The following BCAR3 variants were observed in gnomAD, a reference collection of about 807,000 sequenced individuals.
The protein encoded by BCAR3 is breast cancer anti-estrogen resistance protein 3.
BCAR3 carries 37 observed loss-of-function variants against 80.1 expected under a neutral mutation model. The ratio of observed to expected loss-of-function variants is 0.46; its 90% CI spans 0.36 to 0.61. The LOEUF (loss-of-function observed/expected upper bound fraction) is 0.61, where lower values mean the gene tolerates loss of function less well. Among genes scored for constraint, BCAR3 ranks in the 20% least tolerant of loss-of-function variants. BCAR3 has a pLI of 0.00. For synonymous variants in BCAR3, 389 were observed against 418.9 expected, an observed-to-expected ratio of 0.93 and a Z score of 0.87; for missense variants, 978 against 1,068.2, an observed-to-expected ratio of 0.92 and a Z score of 1.18.
At chr1:93,700,943 A>G (rs79260856) in intron 3 of BCAR3, among the ~76,000 whole-genome samples, 4,088 of 152,308 alleles carry the variant, frequency 0.027, 175 homozygotes, top group African/African-American at 0.092. Flanking sequence ...GCATGTGGGC[A>G]CCCTCAGCGG....
chr1:93,603,287 C>T (rs190382790), intron 3 of BCAR3, among the ~76,000 whole-genome samples: 74 of 152,352 alleles, frequency 4.9e-4, no homozygotes, highest in Admixed American at 7.2e-4. Flanking sequence ...CGGTCCAGGA[C>T]GTTGCCAGAA....
chr1:93,603,775 G>A (rs1674695842), intron 3 of BCAR3, among the ~76,000 whole-genome samples: 2 of 152,242 alleles, frequency 1.3e-5, no homozygotes, highest in Admixed American at 1.3e-4. Flanking sequence ...GGCAGCCGCA[G>A]CTGTGATGGA....
rs571391348 is a variant in BCAR3, at chr1:93,722,462, G to A, written c.-62-16320C>T. 1.2e-4 allele frequency among the ~76,000 whole-genome samples: 19 copies of A among 152,278 alleles called. No individual in the cohort carries two copies. The South Asian group carries it at 3.9e-3, about 32-fold the overall frequency. On this transcript the variant is annotated intron_variant, in intron 2 of 13. Coordinates refer to the BCAR3 transcript ENST00000370244. Reference sequence around the variant, plus strand: ...CATGGGGTGCCCTGGGGATACTAAGGCCTCCATCCTGCGCTGGGTCACCTC... The same window carrying A: ...CATGGGGTGCCCTGGGGATACTAAGACCTCCATCCTGCGCTGGGTCACCTC...
intron 2 of BCAR3, among the ~76,000 whole-genome samples, chr1:93,728,431 C>T (rs530290242): frequency 1.3e-5 from 2 of 152,210 alleles, no homozygotes; most frequent in Non-Finnish European, 2.9e-5. Context: ...CTTGTGTTAA[C>T]CAGTTCAATT....
rs935543039 is a variant in BCAR3, at chr1:93,659,681, G to T, written c.317+14933C>A. ...TTTAGATGACAATCACGGTTCTAAG[G>T]TCTTGCCCAACTCACCAGCCTAATC... On this transcript the variant is annotated intron_variant, in intron 2 of 11. Transcript: ENST00000260502. 2.6e-5 allele frequency among the ~76,000 whole-genome samples: 4 copies of T among 152,062 alleles called. No homozygotes were observed. In the East Asian group the frequency reaches 5.8e-4, roughly 22 times the overall value.
At chr1:93,619,100 A>ATTTTTTTT (rs34715455) in intron 3 of BCAR3, among the ~76,000 whole-genome samples, 8 of 126,718 alleles carry the variant, frequency 6.3e-5, no homozygotes, top group Non-Finnish European at 6.7e-5. Context: ...CACCACGCCA[A>ATTTTTTTT]TTTTTTTTTT....
intron 3 of BCAR3, among the ~76,000 whole-genome samples, chr1:93,622,375 G>A (rs1425035630): frequency 1.3e-5 from 2 of 152,204 alleles, no homozygotes; most frequent in East Asian, 1.9e-4. Context: ...AGGGAAGCAC[G>A]GAGAACACCT....
At chr1:93,671,262 G>C (rs1185067699) in intron 2 of BCAR3, among the ~76,000 whole-genome samples, 1 of 152,120 alleles carries the variant, frequency 6.6e-6, no homozygotes, top group Non-Finnish European at 1.5e-5. Context: ...CAAAGTGCTG[G>C]GATTACAGGC....
At position 93,692,277 on chromosome 1, in the gene BCAR3, A is replaced by G. The variant is rs866054756; in HGVS notation, c.-12+13815T>C. 1.2e-4 allele frequency among the ~76,000 whole-genome samples: 19 copies of G among 152,290 alleles called. No individual in the cohort carries two copies. The South Asian group carries it at 1.9e-3, about 15-fold the overall frequency. ...GAACCCCCCTCCCCAGTGCACACAC[A>G]GCTGCTGTGGGGCACTGCTTTTGCC... On this transcript the variant is annotated intron_variant, in intron 3 of 13. Transcript: ENST00000370244.
chr1:93,673,856 G>A (rs1385025982), intron 2 of BCAR3, among the ~76,000 whole-genome samples: 1 of 152,214 alleles, frequency 6.6e-6, no homozygotes, highest in Non-Finnish European at 1.5e-5. Context: ...AGACATCCTG[G>A]CATCTCTATA....
At chr1:93,573,130 TCAGGCCTGTAATCCCAG>T (rs68069882) in intron 8 of BCAR3, among the ~76,000 whole-genome samples, 24,865 of 152,032 alleles carry the variant, frequency 0.16, 2,214 homozygotes, top group Non-Finnish European at 0.2. Context: ...GAGCCAGGTC[TCAGGCCTGTAATCCCAG>T]CACTTTGGGA....
At chr1:93,694,792 G>A (rs1191994913) in intron 3 of BCAR3, among the ~76,000 whole-genome samples, 2 of 152,176 alleles carry the variant, frequency 1.3e-5, no homozygotes, top group Non-Finnish European at 2.9e-5. Context: ...CACTCCTCCT[G>A]TTGTAATCCA....
chr1:93,715,062 A>T (rs1650152069), intron 2 of BCAR3, among the ~76,000 whole-genome samples: 1 of 152,234 alleles, frequency 6.6e-6, no homozygotes, highest in Non-Finnish European at 1.5e-5. Context: ...CACTCATTCA[A>T]CAATATTTAT....
intron 2 of BCAR3, among the ~76,000 whole-genome samples, chr1:93,741,705 ATT>A (rs1651181632): frequency 6.6e-6 from 1 of 151,998 alleles, no homozygotes; most frequent in Non-Finnish European, 1.5e-5. Context: ...AGTAGCTGGG[ATT>A]ACAGGCGTGC....
chr1:93,837,079 G>A (rs1372626518), intron 2 of BCAR3, among the ~76,000 whole-genome samples: 1 of 152,116 alleles, frequency 6.6e-6, no homozygotes, highest in Admixed American at 6.5e-5. Context: ...TCACATGGAT[G>A]CACACGACAG....
intron 3 of BCAR3, among the ~76,000 whole-genome samples, chr1:93,607,610 TAA>T (rs35959413): frequency 1.4e-5 from 2 of 144,206 alleles, no homozygotes; most frequent in Admixed American, 6.9e-5. Context: ...CCACTGCCCT[TAA>T]AAAAAAAAAG....
intron 9 of BCAR3, among the ~76,000 whole-genome samples, chr1:93,568,475 T>C (rs1484546016): frequency 1.3e-5 from 2 of 152,278 alleles, no homozygotes; most frequent in East Asian, 3.9e-4. Context: ...GTAAAACACC[T>C]GAATGAAAAA....
intron 2 of BCAR3, among the ~76,000 whole-genome samples, chr1:93,724,025 A>G (rs565580246): frequency 5.4e-4 from 83 of 152,308 alleles, no homozygotes; most frequent in African/African-American, 1.9e-3. Flanking sequence ...GAAGAAATGA[A>G]CTGATCCTCT....
intron 3 of BCAR3, among the ~76,000 whole-genome samples, chr1:93,697,751 G>C (rs1299458460): frequency 6.6e-6 from 1 of 152,084 alleles, no homozygotes; most frequent in African/African-American, 2.4e-5. Context: ...AGGCCGAGAC[G>C]ACGGATCACC....
Sources: allele counts gnomAD v4.1 joint callset (sites outside exome capture counted in the v4.1 genomes callset), GRCh38; gene constraint gnomAD v4.1.1; transcripts MANE v1.5; gene names NCBI Gene and HGNC (gene_info 2026-07-23, HGNC 2026-07-21).